Variants in TEK observed in about 807,000 individuals in gnomAD.
TEK encodes angiopoietin-1 receptor.
A neutral mutation model predicts 131.8 loss-of-function variants in TEK; 43 were observed. The observed-to-expected ratio is 0.33, with a 90% confidence interval of 0.26 to 0.42. The LOEUF is 0.42. Ranked by LOEUF, TEK falls within the 10% of genes least tolerant of loss-of-function variation. The pLI, the probability that TEK is intolerant of heterozygous loss-of-function variation, is 1.00. For missense variants in TEK, 1,162 were observed against 1,384.4 expected, an observed-to-expected ratio of 0.84 and a Z score of 2.55; for synonymous variants, 580 against 491.6, an observed-to-expected ratio of 1.18 and a Z score of -2.38.
At chr9:27,165,754 A>T (rs1823705555) in intron 2 of TEK, among the ~76,000 whole-genome samples, 1 of 152,190 alleles carries the variant, frequency 6.6e-6, no homozygotes, top group Non-Finnish European at 1.5e-5. Flanking sequence ...GTCTGATTCC[A>T]GCGCTCGCAC....
At chr9:27,134,551 A>C (rs180928720) in intron 1 of TEK, among the ~76,000 whole-genome samples, 1 of 152,352 alleles carries the variant, frequency 6.6e-6, no homozygotes, top group African/African-American at 2.4e-5. Context: ...AATTAGGAGT[A>C]TCAAAAATAT....
At chr9:27,165,720 G>T (rs1587540850) in intron 2 of TEK, among the ~76,000 whole-genome samples, 1 of 152,326 alleles carries the variant, frequency 6.6e-6, no homozygotes. Flanking sequence ...GGGTGGCAGA[G>T]GGTGGATCCA....
chr9:27,181,337 C>T (rs1160796957), intron 7 of TEK, among the ~76,000 whole-genome samples: 1 of 151,858 alleles, frequency 6.6e-6, no homozygotes, highest in Non-Finnish European at 1.5e-5. Flanking sequence ...TTCAAATTAT[C>T]CTAAATCTCC....
At chr9:27,202,555 G>A (rs1436516525) in intron 12 of TEK, among the ~76,000 whole-genome samples, 1 of 152,214 alleles carries the variant, frequency 6.6e-6, no homozygotes, top group Non-Finnish European at 1.5e-5. Flanking sequence ...AGAATAGTAA[G>A]TACAGGTTTG....
intron 1 of TEK, among the ~76,000 whole-genome samples, chr9:27,124,395 T>C (rs1417137770): frequency 6.6e-6 from 1 of 152,220 alleles, no homozygotes; most frequent in Non-Finnish European, 1.5e-5. Context: ...CATATCATCT[T>C]TCTTGGATCA....
chr9:27,154,351 T>G (rs1327677580), intron 1 of TEK, among the ~76,000 whole-genome samples: 1 of 152,218 alleles, frequency 6.6e-6, no homozygotes, highest in Non-Finnish European at 1.5e-5. Flanking sequence ...TCTCCCAAAG[T>G]GCTGGAATTA....
At chr9:27,196,305 G>A (rs1194126475) in intron 11 of TEK, among the ~76,000 whole-genome samples, 3 of 152,030 alleles carry the variant, frequency 2.0e-5, no homozygotes, top group Non-Finnish European at 4.4e-5. Flanking sequence ...ATTTATTAAA[G>A]CAGTTTCCTA....
chr9:27,130,511 A>C (rs1822167296), intron 1 of TEK, among the ~76,000 whole-genome samples: 2 of 152,186 alleles, frequency 1.3e-5, no homozygotes, highest in Non-Finnish European at 2.9e-5. Flanking sequence ...CAAAACTAAA[A>C]ATCAGCACAC....
At chr9:27,125,958 C>T (rs765213414) in intron 1 of TEK, among the ~76,000 whole-genome samples, 23 of 152,056 alleles carry the variant, frequency 1.5e-4, no homozygotes, top group Non-Finnish European at 2.6e-4. Context: ...AAGATATAAA[C>T]AGAAAAAAAC....
chr9:27,214,034 A>C lies in TEK; in HGVS notation c.2991+437A>C, dbSNP rs1050608795. ...ACCAGGAGGCTCTACAGAGAAATTCATAACTTCTACAGGCTCATCTAAGAT... is the reference window on the plus strand; with the variant it reads ...ACCAGGAGGCTCTACAGAGAAATTCCTAACTTCTACAGGCTCATCTAAGAT... On this transcript the variant is annotated intron_variant, in intron 18 of 22. Transcript: ENST00000380036. Among the ~76,000 whole-genome samples, 4 of 152,248 alleles carry C rather than the reference A, an allele frequency of 2.6e-5. No homozygotes were observed. The East Asian group carries it at 7.7e-4, about 29-fold the overall frequency.
chr9:27,122,204 AAG>A (rs1821820501), intron 1 of TEK, among the ~76,000 whole-genome samples: 1 of 152,138 alleles, frequency 6.6e-6, no homozygotes, highest in Non-Finnish European at 1.5e-5. Context: ...AAAGATAGTT[AAG>A]AGAGGGACTT....
chr9:27,171,125 C>A lies in TEK; in HGVS notation c.629-1491C>A, dbSNP rs557221638. Among the ~76,000 whole-genome samples the A allele has an allele frequency of 3.3e-5, 5 of 152,116 alleles. No individual in the cohort carries two copies. In the South Asian group the frequency reaches 1.0e-3, roughly 32 times the overall value. On this transcript the variant is annotated intron_variant, in intron 4 of 22. Coordinates refer to ENST00000380036, the MANE Select transcript of TEK (RefSeq NM_000459.5). Reference sequence around the variant, plus strand: ...GTTAGAACTAGTAAAAACTTTTTTTCTCCATTATAACTATTGAAGTGGGGG... The same window carrying A: ...GTTAGAACTAGTAAAAACTTTTTTTATCCATTATAACTATTGAAGTGGGGG...
chr9:27,186,013 A>G (rs533039089), intron 9 of TEK, among the ~76,000 whole-genome samples: 1 of 152,348 alleles, frequency 6.6e-6, no homozygotes, highest in South Asian at 2.1e-4. Flanking sequence ...GGTAGTGATT[A>G]TATTTCACAA....
At chr9:27,153,245 A>C (rs512904) in intron 1 of TEK, among the ~76,000 whole-genome samples, 1 of 151,886 alleles carries the variant, frequency 6.6e-6, no homozygotes, top group African/African-American at 2.4e-5. Flanking sequence ...TCAGGAGTTC[A>C]AGACCAGCCT....
chr9:27,160,497 A>T (rs1049774415), intron 2 of TEK, among the ~76,000 whole-genome samples: 1 of 152,082 alleles, frequency 6.6e-6, no homozygotes, highest in Non-Finnish European at 1.5e-5. Flanking sequence ...CTGATTTAAT[A>T]GGTTGTTTGG....
Position 27,183,475 on chromosome 9 carries a change from C to A in TEK, c.1047C>A (p.Thr349=). Residue 349 remains threonine, a synonymous_variant, in exon 8 of 23, where the codon ACC becomes ACA. Coordinates refer to ENST00000380036, the MANE Select transcript of TEK (RefSeq NM_000459.5). ...TTCCTTCAGGCATACAGAGGATGAC[C>A]CCAAAGATAGTGGATTTGCCAGATC... ...QCEREGIQRM[T]PKIVDLPDHI... 6.2e-7 allele frequency: 1 copy of A among 1,613,754 alleles called. No individual in the cohort carries two copies. The highest frequency in any genetic ancestry group is 8.5e-7 in the Non-Finnish European group (1 of 1,179,780).
chr9:27,226,869 G>T (rs146837387), intron 21 of TEK, among the ~76,000 whole-genome samples: 685 of 152,216 alleles, frequency 4.5e-3, no homozygotes, highest in African/African-American at 0.015. Flanking sequence ...AAGCTAACTG[G>T]CATGTTTGAA....
At chr9:27,132,844 C>T in intron 1 of TEK, among the ~76,000 whole-genome samples, 1 of 151,952 alleles carries the variant, frequency 6.6e-6, no homozygotes, top group East Asian at 1.9e-4. Flanking sequence ...CTATAGCAAT[C>T]AAGAGGGAGG....
chr9:27,192,668 G>A, intron 11 of TEK, 45 bp downstream of exon 11: 1 of 1,587,010 alleles, frequency 6.3e-7, no homozygotes, highest in East Asian at 2.3e-5. Flanking sequence ...TGGGTGGGAG[G>A]GGGAGGAAGG....
Sources: allele counts gnomAD v4.1 joint callset (sites outside exome capture counted in the v4.1 genomes callset), GRCh38; gene constraint gnomAD v4.1.1; transcripts MANE v1.5; gene names NCBI Gene and HGNC (gene_info 2026-07-23, HGNC 2026-07-21).